PLPBP: variants seen among roughly 807,000 people sequenced by gnomAD.
The protein encoded by PLPBP is pyridoxal phosphate binding protein, also known as pyridoxal phosphate homeostasis protein.
A neutral mutation model predicts 31.2 loss-of-function variants in PLPBP; 21 were observed. The ratio of observed to expected loss-of-function variants is 0.67; its 90% CI spans 0.48 to 0.97. The LOEUF is 0.97. PLPBP is among the 50% of genes least tolerant of loss of function. The pLI, the probability that PLPBP is intolerant of heterozygous loss-of-function variation, is 0.00. For missense variants in PLPBP, 308 were observed against 354.4 expected (o/e 0.87, Z 1.05); for synonymous variants, 124 against 135.6 (o/e 0.91, Z 0.59).
chr8:37,772,849 G>A lies in PLPBP; in HGVS notation c.414G>A (p.Arg138=), dbSNP rs141202312. The change falls in exon 5 of 8, where the codon AGG becomes AGA. Residue 138 remains arginine (R), a synonymous_variant. Coordinates refer to ENST00000328195, the MANE Select transcript of PLPBP (RefSeq NM_007198.4). ...SSWQRKGSPE[R]LKVMVQINTS... ...GGCAGAGAAAAGGTTCTCCTGAAAG[G>A]TTAAAGGTTATGGTCCAGATTAACA... 48 of 1,614,058 alleles carry A rather than the reference G, an allele frequency of 3.0e-5. No individual in the cohort carries two copies. The highest frequency in any genetic ancestry group is 1.5e-4 in the African/African-American group (11 of 74,940).
At chr8:37,766,553 T>G in intron 4 of PLPBP, 198 bp downstream of exon 4, 1 of 1,211,852 alleles carries the variant, frequency 8.3e-7, no homozygotes, top group Non-Finnish European at 1.0e-6. Context: ...TTTTCTGGGT[T>G]ATATATACTT....
chr8:37,767,507 G>A (rs1186449693), intron 4 of PLPBP, among the ~76,000 whole-genome samples: 2 of 152,110 alleles, frequency 1.3e-5, no homozygotes, highest in African/African-American at 4.8e-5. Context: ...GTTCATACCT[G>A]TATCAAAGGT....
upstream of PLPBP, chr8:37,762,603 A>T: frequency 6.5e-7 from 1 of 1,532,610 alleles, no homozygotes; most frequent in Non-Finnish European, 8.7e-7. Context: ...CGGAACCGGA[A>T]GATGGTGTGA....
chr8:37,772,630 T>C, intron 4 of PLPBP, 125 bp from the exon 5 acceptor site: 2 of 1,164,282 alleles, frequency 1.7e-6, no homozygotes, highest in Non-Finnish European at 2.5e-6. Flanking sequence ...TCAGAGGAAC[T>C]GAGATTTAAC....
At position 37,774,308 on chromosome 8, in the gene PLPBP, A is replaced by G. The variant is rs1444226092; in HGVS notation, c.455-1031A>G. Among the ~76,000 whole-genome samples, 7 of 152,264 alleles carry G rather than the reference A, an allele frequency of 4.6e-5. No individual in the cohort carries two copies. In the East Asian group the frequency reaches 7.7e-4, roughly 17 times the overall value. On this transcript the variant is annotated intron_variant, in intron 5 of 7. Transcript: ENST00000328195. ...AGTGTAACATAGTGTGAATAGAAGC[A>G]TGGGCTTTGAAATCAGACAGACCTT... is the stretch of plus-strand genomic sequence containing the variant.
intron 5 of PLPBP, among the ~76,000 whole-genome samples, chr8:37,773,896 T>C (rs930389967): frequency 2.0e-5 from 3 of 152,140 alleles, no homozygotes; most frequent in African/African-American, 7.2e-5. Flanking sequence ...TGATGTTGCA[T>C]TGGGAGAGAA....
intron 1 of PLPBP, among the ~76,000 whole-genome samples, chr8:37,763,577 T>G (rs1803541826): frequency 6.6e-6 from 1 of 152,118 alleles, no homozygotes; most frequent in Non-Finnish European, 1.5e-5. Flanking sequence ...CTGAGATCTC[T>G]TCTGATGTTA....
chr8:37,775,323 G>C lies in PLPBP; in HGVS notation c.455-16G>C, dbSNP rs777936969. ...TACCCTTGCAGTATACCTGTTTTCTGTTTCTTTTCTTGAAGGTAAACATGG... is the reference window on the plus strand; with the variant it reads ...TACCCTTGCAGTATACCTGTTTTCTCTTTCTTTTCTTGAAGGTAAACATGG... On this transcript the variant is annotated splice_polypyrimidine_tract_variant and intron_variant, in intron 5 of 7. Coordinates refer to ENST00000328195, the MANE Select transcript of PLPBP (RefSeq NM_007198.4). 4 of 1,613,930 alleles carry C rather than the reference G, an allele frequency of 2.5e-6. No individual in the cohort carries two copies. In the African/African-American group the frequency reaches 4.0e-5, roughly 16 times the overall value.
chr8:37,766,272 C>T lies in PLPBP; in HGVS notation c.244-8C>T. 6.2e-7 allele frequency: 1 copy of T among 1,600,894 alleles called. No homozygotes were observed. The highest frequency in any genetic ancestry group is 1.4e-5 in the African/African-American group (1 of 74,024). On this transcript the variant is annotated splice_polypyrimidine_tract_variant and splice_region_variant and intron_variant, in intron 3 of 7. Transcript: ENST00000328195. The stretch of plus-strand genomic sequence containing the variant: ...CTGAATTACACATGGTTACCTTTTT[C>T]CCCTCAGATTCTGTCTTTGTGTCCT...
chr8:37,766,189 A>G, intron 3 of PLPBP, 91 bp from the exon 4 acceptor site: 1 of 862,548 alleles, frequency 1.2e-6, no homozygotes. Flanking sequence ...CAGAGAGTGG[A>G]TGTGAAAGGT....
chr8:37,772,904 C>A lies in PLPBP; in HGVS notation c.454+15C>A. Reference sequence around the variant, plus strand: ...CGGAGAAGAGAGTAAGTAACCAGACCTGAATTGTAGATTTTTCTTCCTTTA... The same window carrying A: ...CGGAGAAGAGAGTAAGTAACCAGACATGAATTGTAGATTTTTCTTCCTTTA... On this transcript the variant is annotated intron_variant, in intron 5 of 7. Transcript: ENST00000328195. The A allele has an allele frequency of 6.2e-7, 1 of 1,613,794 alleles. No homozygotes were observed. Among genetic ancestry groups the A allele is most frequent in the Non-Finnish European group, 8.5e-7 (1 of 1,179,806 alleles).
At chr8:37,765,488 C>G in intron 1 of PLPBP, 38 bp from the exon 2 acceptor site, 2 of 1,583,014 alleles carry the variant, frequency 1.3e-6, no homozygotes, top group South Asian at 2.2e-5. Context: ...GGTACTGTTC[C>G]CAAACATTCA....
intron 3 of PLPBP, 36 bp downstream of exon 3, chr8:37,765,782 A>C: frequency 6.3e-7 from 1 of 1,599,860 alleles, no homozygotes; most frequent in Non-Finnish European, 8.5e-7. Context: ...TTTGTATCTA[A>C]ATCTTGGCTC....
rs371394175 is a variant in PLPBP, at chr8:37,776,048, G to A, written c.696+32G>A. Reference sequence around the variant, plus strand: ...GTCCTGCCAGTGCCCTGTCTGCCTCGAGGGGTGGGGGTAGGGGGTCTGAGA... The same window carrying A: ...GTCCTGCCAGTGCCCTGTCTGCCTCAAGGGGTGGGGGTAGGGGGTCTGAGA... On this transcript the variant is annotated intron_variant, in intron 7 of 7. Coordinates refer to ENST00000328195, the MANE Select transcript of PLPBP (RefSeq NM_007198.4). The A allele has an allele frequency of 4.8e-5, 76 of 1,583,472 alleles. No individual in the cohort carries two copies. In the African/African-American group the frequency reaches 8.2e-4, roughly 17 times the overall value.
intron 5 of PLPBP, among the ~76,000 whole-genome samples, chr8:37,774,126 C>G (rs1803843314): frequency 6.6e-6 from 1 of 151,976 alleles, no homozygotes; most frequent in Non-Finnish European, 1.5e-5. Flanking sequence ...CAGGAGGATC[C>G]CTCGAACCCA....
intron 1 of PLPBP, among the ~76,000 whole-genome samples, chr8:37,763,057 G>A (rs1803525148): frequency 6.6e-6 from 1 of 152,200 alleles, no homozygotes; most frequent in East Asian, 1.9e-4. Context: ...GATAGCCTTG[G>A]CGGATGCGAG....
Position 37,775,501 on chromosome 8 carries a change from A to T in PLPBP, c.597+20A>T. On this transcript the variant is annotated intron_variant, in intron 6 of 7. Coordinates refer to ENST00000328195, the MANE Select transcript of PLPBP (RefSeq NM_007198.4). ...TTCCAGGTACTGGGGGGTCGGGGAG[A>T]TTGCTCGTGTGCTAAAGAAGCAGGG... 1.9e-6 allele frequency: 3 copies of T among 1,612,912 alleles called. No individual in the cohort carries two copies. Among genetic ancestry groups the T allele is most frequent in the East Asian group, 4.5e-5 (2 of 44,878 alleles).
At chr8:37,769,219 C>A (rs2129788024) in intron 4 of PLPBP, among the ~76,000 whole-genome samples, 1 of 152,008 alleles carries the variant, frequency 6.6e-6, no homozygotes, top group South Asian at 2.1e-4. Flanking sequence ...GTCTGTGGTC[C>A]CAGCTACCTG....
chr8:37,763,642 A>G (rs533850400), intron 1 of PLPBP, among the ~76,000 whole-genome samples: 2 of 152,242 alleles, frequency 1.3e-5, no homozygotes, highest in South Asian at 4.1e-4. Flanking sequence ...TCCCCTAATA[A>G]ACATCACCTT....
Sources: allele counts gnomAD v4.1 joint callset (sites outside exome capture counted in the v4.1 genomes callset), GRCh38; gene constraint gnomAD v4.1.1; transcripts MANE v1.5; gene names NCBI Gene and HGNC (gene_info 2026-07-23, HGNC 2026-07-21).